The following ABCC6 variants were observed in gnomAD, a reference collection of about 807,000 sequenced individuals.
The protein encoded by ABCC6 is ATP-binding cassette sub-family C member 6.
A neutral mutation model predicts 169.5 loss-of-function variants in ABCC6; 126 were observed. That is an observed-to-expected ratio of 0.74 (90% CI 0.64 to 0.86). The LOEUF is 0.86. Among genes scored for constraint, ABCC6 ranks in the 40% least tolerant of loss-of-function variants. The pLI is 0.00. For missense variants in ABCC6, 1,733 were observed against 1,927.2 expected, an observed-to-expected ratio of 0.90 and a Z score of 1.89; for synonymous variants, 752 against 814.7, an observed-to-expected ratio of 0.92 and a Z score of 1.31.
intron 6 of ABCC6, among the ~76,000 whole-genome samples, chr16:16,210,100 T>C (rs1358328145): frequency 6.6e-6 from 1 of 152,108 alleles, no homozygotes; most frequent in Non-Finnish European, 1.5e-5. Flanking sequence ...CTGACTCTTC[T>C]CTAAGCCTTA....
At chr16:16,198,696 A>T (rs889328472) in intron 9 of ABCC6, among the ~76,000 whole-genome samples, 3 of 151,190 alleles carry the variant, frequency 2.0e-5, no homozygotes, top group African/African-American at 4.9e-5. Context: ...AAAATACTTT[A>T]AAAAATTAGC....
At chr16:16,161,689 A>C in intron 24 of ABCC6, 125 bp from the exon 25 acceptor site, 1 of 1,290,972 alleles carries the variant, frequency 7.7e-7, no homozygotes, top group Non-Finnish European at 1.1e-6. Context: ...TGGCCTCCAC[A>C]TGCAACCCAG....
rs57288618 is a variant in ABCC6, at chr16:16,150,599, C to A, written c.4382G>T (p.Arg1461Leu). Reference sequence around the variant, plus strand: ...TTACCGGGCACAGTCCATCACGGAGCGCAGGCGGTGGGCAATGAGCAGCAC... The same window carrying A: ...TTACCGGGCACAGTCCATCACGGAGAGCAGGCGGTGGGCAATGAGCAGCAC... Reference protein sequence around the residue: ...CTVLLIAHRLRSVMDCARVLV... With the variant: ...CTVLLIAHRLLSVMDCARVLV... The change falls in exon 30 of 31, where the codon CGC (arginine) becomes CTC (leucine). Residue 1461 changes from arginine to leucine, a missense_variant. Transcript: ENST00000205557. 1 of 1,612,028 alleles carries A rather than the reference C, an allele frequency of 6.2e-7. No individual in the cohort carries two copies. The highest frequency in any genetic ancestry group is 2.2e-5 in the East Asian group (1 of 44,854).
Position 16,150,751 on chromosome 16 carries a change from CAGG to C in ABCC6, c.4227_4229del (p.Leu1410del). Reference sequence around the variant, plus strand: ...TCCGGAGAAGGGCACGTGCCAGACACAGGAGCTGTTTCTGGCCCACGCTGGGAA... The same window carrying C: ...TCCGGAGAAGGGCACGTGCCAGACACAGCTGTTTCTGGCCCACGCTGGGAA... On this transcript the variant is annotated inframe_deletion, in exon 30 of 31. Coordinates refer to ENST00000205557, the MANE Select transcript of ABCC6 (RefSeq NM_001171.6). 1 of 1,613,844 alleles carries C rather than the reference CAGG, an allele frequency of 6.2e-7. No homozygotes were observed. Among genetic ancestry groups the C allele is most frequent in the Non-Finnish European group, 8.5e-7 (1 of 1,179,956 alleles).
chr16:16,197,262 A>G (rs2048069346), intron 10 of ABCC6, among the ~76,000 whole-genome samples: 1 of 152,134 alleles, frequency 6.6e-6, no homozygotes, highest in Admixed American at 6.5e-5. Context: ...GGGAAGTATC[A>G]ACGTCATCAT....
At chr16:16,153,058 C>T (rs1001849265) in intron 29 of ABCC6, among the ~76,000 whole-genome samples, 8 of 152,114 alleles carry the variant, frequency 5.3e-5, no homozygotes, top group Non-Finnish European at 1.2e-4. Context: ...GCGCCTGCCG[C>T]CACACCCAGC....
chr16:16,198,705 G>C (rs2048136286), intron 9 of ABCC6, among the ~76,000 whole-genome samples: 1 of 150,876 alleles, frequency 6.6e-6, no homozygotes, highest in Non-Finnish European at 1.5e-5. Context: ...TAAAAAATTA[G>C]CCAGGGGGCC....
In ABCC6 at chr16:16,201,990, C is replaced by T. The variant is rs765909552; in HGVS notation, c.1176+11G>A. On this transcript the variant is annotated intron_variant, in intron 9 of 30. Coordinates refer to ENST00000205557, the MANE Select transcript of ABCC6 (RefSeq NM_001171.6). ...GGCTGGGAAGACCTGCCCTTGTCCC[C>T]CAGGGCTCACCTTTCTGTACACCAG... 1 of 1,613,866 alleles carries T rather than the reference C, an allele frequency of 6.2e-7. No homozygotes were observed. Among genetic ancestry groups the T allele is most frequent in the Non-Finnish European group, 8.5e-7 (1 of 1,179,874 alleles).
intron 5 of ABCC6, among the ~76,000 whole-genome samples, chr16:16,213,494 C>A (rs2048718286): frequency 6.6e-6 from 1 of 151,530 alleles, no homozygotes; most frequent in Non-Finnish European, 1.5e-5. Context: ...TATTGTAAAT[C>A]TCTCAATCTC....
At chr16:16,187,238 C>G (rs756331035) in intron 13 of ABCC6, 27 bp from the exon 14 acceptor site, 2 of 1,598,400 alleles carry the variant, frequency 1.3e-6, no homozygotes, top group Non-Finnish European at 1.7e-6. Context: ...CGCAGGTCAC[C>G]CAGCAAGAAG....
chr16:16,170,941 AG>A (rs61243780), intron 21 of ABCC6, among the ~76,000 whole-genome samples: 22,728 of 84,068 alleles, frequency 0.27, 4,739 homozygotes, highest in South Asian at 0.36. Context: ...AAAAAAAAAA[AG>A]AAAGAAAGAA....
At chr16:16,204,139 C>A (rs2048325499) in intron 7 of ABCC6, among the ~76,000 whole-genome samples, 1 of 151,992 alleles carries the variant, frequency 6.6e-6, no homozygotes, top group African/African-American at 2.4e-5. Flanking sequence ...TCACGGCAAC[C>A]TCCACTTCCC....
intron 24 of ABCC6, among the ~76,000 whole-genome samples, chr16:16,162,359 G>C (rs889412527): frequency 6.6e-6 from 1 of 152,208 alleles, no homozygotes; most frequent in African/African-American, 2.4e-5. Flanking sequence ...AGTATTAGCT[G>C]TGAGACCCTG....
At chr16:16,204,025 G>A (rs1567530664) in intron 7 of ABCC6, among the ~76,000 whole-genome samples, 1 of 151,936 alleles carries the variant, frequency 6.6e-6, no homozygotes, top group Non-Finnish European at 1.5e-5. Context: ...CCAGCTCTCT[G>A]CCTCCAGAGC....
At chr16:16,152,920 G>A (rs973500584) in intron 29 of ABCC6, among the ~76,000 whole-genome samples, 4 of 150,740 alleles carry the variant, frequency 2.7e-5, no homozygotes, top group South Asian at 4.2e-4. Context: ...TTTTTGAGAC[G>A]GAGTCTTACT....
In ABCC6 at chr16:16,208,741, T is replaced by C. The variant is rs752439860; in HGVS notation, c.781A>G (p.Ser261Gly). ...RLEKEWMRNR[S>G]AARRHNKAIA... ...CCACCCACTTACCTCCGGGCTGCAC[T>C]GCGGTTCCTCATCCACTCCTTTTCA... The change falls in exon 7 of 31, where the codon AGT becomes GGT. Residue 261 changes from serine to glycine, a missense_variant. By Grantham distance (56) the Ser-to-Gly change is moderately conservative. Coordinates refer to ENST00000205557, the MANE Select transcript of ABCC6 (RefSeq NM_001171.6). The C allele has an allele frequency of 1.9e-6, 3 of 1,613,620 alleles. No homozygotes were observed. The Admixed American group carries it at 5.0e-5, about 27-fold the overall frequency.
chr16:16,179,087 T>G, intron 17 of ABCC6, 122 bp from the exon 18 acceptor site: 1 of 1,113,926 alleles, frequency 9.0e-7, no homozygotes, highest in Non-Finnish European at 1.3e-6. Flanking sequence ...AACATGCCTA[T>G]TCCCTGGGGA....
chr16:16,200,432 A>C (rs2048199595), intron 9 of ABCC6, among the ~76,000 whole-genome samples: 1 of 149,162 alleles, frequency 6.7e-6, no homozygotes. Flanking sequence ...TCTGTCAGAA[A>C]AAAAAAAAAA....
chr16:16,153,864 A>G (rs2046459784), intron 29 of ABCC6, among the ~76,000 whole-genome samples: 1 of 150,288 alleles, frequency 6.7e-6, no homozygotes, highest in African/African-American at 2.4e-5. Flanking sequence ...TGACCTCACC[A>G]CTGCACTCTA....
Sources: allele counts gnomAD v4.1 joint callset (sites outside exome capture counted in the v4.1 genomes callset), GRCh38; gene constraint gnomAD v4.1.1; transcripts MANE v1.5; gene names NCBI Gene and HGNC (gene_info 2026-07-23, HGNC 2026-07-21).